The following ST6GALNAC5 variants were observed in gnomAD, a reference collection of about 807,000 sequenced individuals.
ST6GALNAC5 encodes the protein alpha-N-acetylgalactosaminide alpha-2,6-sialyltransferase 5.
ST6GALNAC5 carries 27 observed loss-of-function variants against 33.6 expected under a neutral mutation model. That is an observed-to-expected ratio of 0.80 (90% CI 0.59 to 1.11). The LOEUF (loss-of-function observed/expected upper bound fraction) is 1.11. Ranked by LOEUF, ST6GALNAC5 falls within the 50% of genes least tolerant of loss-of-function variation. The pLI, the probability that ST6GALNAC5 is intolerant of heterozygous loss-of-function variation, is 0.00. For synonymous variants in ST6GALNAC5, 194 were observed against 171.2 expected, an observed-to-expected ratio of 1.13 and a Z score of -1.04; for missense variants, 428 against 454.0, an observed-to-expected ratio of 0.94 and a Z score of 0.52.
intron 4 of ST6GALNAC5, among the ~76,000 whole-genome samples, chr1:77,056,236 A>T (rs989849873): frequency 6.6e-6 from 1 of 152,248 alleles, no homozygotes; most frequent in African/African-American, 2.4e-5. Flanking sequence ...AGCCAAATTC[A>T]TTCTCTCTAG....
rs532658846 is a variant in ST6GALNAC5, at chr1:77,049,104, T to C, written c.672-1154T>C. Among the ~76,000 whole-genome samples the C allele has an allele frequency of 1.6e-4, 25 of 152,322 alleles. No individual in the cohort carries two copies. In the South Asian group the frequency reaches 5.2e-3, roughly 32 times the overall value. ...CTAAGCCACCCATGCTGTCAGGTATTGGACAAAATGAAGGACTCCTTAAAA... is the reference window on the plus strand; with the variant it reads ...CTAAGCCACCCATGCTGTCAGGTATCGGACAAAATGAAGGACTCCTTAAAA... On this transcript the variant is annotated intron_variant, in intron 3 of 4. Transcript: ENST00000477717.
chr1:76,981,925 C>A (rs943078147), intron 2 of ST6GALNAC5, among the ~76,000 whole-genome samples: 3 of 152,250 alleles, frequency 2.0e-5, no homozygotes, highest in Admixed American at 6.5e-5. Context: ...GAGACCTGAC[C>A]GTTAGAAGGA....
At chr1:76,937,928 T>C (rs1416237201) in intron 2 of ST6GALNAC5, among the ~76,000 whole-genome samples, 1 of 151,998 alleles carries the variant, frequency 6.6e-6, no homozygotes, top group Non-Finnish European at 1.5e-5. Flanking sequence ...CTCCTATCCA[T>C]TTCACACACG....
chr1:77,030,370 A>G (rs1190377603), intron 2 of ST6GALNAC5, among the ~76,000 whole-genome samples: 3 of 152,210 alleles, frequency 2.0e-5, no homozygotes, highest in Non-Finnish European at 1.5e-5. Context: ...TTTCCTCAAT[A>G]TAAACTAAGG....
intron 4 of ST6GALNAC5, among the ~76,000 whole-genome samples, chr1:77,060,710 G>C (rs1054522639): frequency 1.3e-5 from 2 of 152,050 alleles, no homozygotes; most frequent in Non-Finnish European, 2.9e-5. Flanking sequence ...TTTCCAAAGA[G>C]ATGGTCTTCC....
At chr1:76,870,323 A>G (rs1465813916) in intron 2 of ST6GALNAC5, among the ~76,000 whole-genome samples, 1 of 152,224 alleles carries the variant, frequency 6.6e-6, no homozygotes, top group Non-Finnish European at 1.5e-5. Context: ...TACTGAGATC[A>G]TGGATTTCCA....
At chr1:77,032,782 C>T (rs1213102591) in intron 2 of ST6GALNAC5, among the ~76,000 whole-genome samples, 1 of 152,106 alleles carries the variant, frequency 6.6e-6, no homozygotes, top group African/African-American at 2.4e-5. Context: ...TTGACTGAAA[C>T]CTCAGATTTT....
Position 76,963,372 on chromosome 1 carries a change from A to G in ST6GALNAC5, c.262-80832A>G, listed in dbSNP as rs142095661. 2.2e-3 allele frequency among the ~76,000 whole-genome samples: 335 copies of G among 152,334 alleles called. 2 individuals are homozygous for G. The highest frequency in any genetic ancestry group is 7.5e-3 in the African/African-American group (314 of 41,594). On this transcript the variant is annotated intron_variant, in intron 2 of 4. Coordinates refer to ENST00000477717, the MANE Select transcript of ST6GALNAC5 (RefSeq NM_030965.3). ...GTTACAACCATTGCTATTACAGCAG[A>G]TACAGTTCTGCCTGCAAAGGCACCA... is the stretch of plus-strand genomic sequence containing the variant.
At chr1:76,981,179 G>A (rs1022659301) in intron 2 of ST6GALNAC5, among the ~76,000 whole-genome samples, 1 of 152,222 alleles carries the variant, frequency 6.6e-6, no homozygotes, top group Admixed American at 6.5e-5. Context: ...AGCTGAAGCA[G>A]AGCGGGCATC....
chr1:76,989,567 T>C (rs1649643215), intron 2 of ST6GALNAC5, among the ~76,000 whole-genome samples: 2 of 152,278 alleles, frequency 1.3e-5, no homozygotes, highest in African/African-American at 4.8e-5. Context: ...ATATAATTTT[T>C]ATTATTCATC....
chr1:76,973,590 C>T (rs1338837714), intron 2 of ST6GALNAC5, among the ~76,000 whole-genome samples: 1 of 152,124 alleles, frequency 6.6e-6, no homozygotes, highest in African/African-American at 2.4e-5. Flanking sequence ...AGGACTGTGA[C>T]CCAGTCAAAT....
chr1:76,997,873 A>G (rs997828533), intron 2 of ST6GALNAC5, among the ~76,000 whole-genome samples: 2 of 152,084 alleles, frequency 1.3e-5, no homozygotes, highest in South Asian at 2.1e-4. Context: ...TCTCACCTCA[A>G]ATTGTAATAA....
At chr1:76,888,821 C>T (rs886965482) in intron 2 of ST6GALNAC5, among the ~76,000 whole-genome samples, 3 of 151,972 alleles carry the variant, frequency 2.0e-5, no homozygotes, top group African/African-American at 7.2e-5. Flanking sequence ...TTATTGTGTA[C>T]AGCATGATGT....
intron 2 of ST6GALNAC5, among the ~76,000 whole-genome samples, chr1:77,022,003 C>T (rs562302367): frequency 1.4e-4 from 21 of 152,244 alleles, no homozygotes; most frequent in African/African-American, 5.1e-4. Context: ...GTGCTGCGCC[C>T]CCCGTTTGTC....
At chr1:77,062,477 G>A (rs2100484650) in intron 4 of ST6GALNAC5, among the ~76,000 whole-genome samples, 1 of 152,256 alleles carries the variant, frequency 6.6e-6, no homozygotes. Context: ...GGCCAGTATG[G>A]TGGGAACATA....
chr1:76,950,683 T>C (rs2100337190), intron 2 of ST6GALNAC5, among the ~76,000 whole-genome samples: 1 of 152,226 alleles, frequency 6.6e-6, no homozygotes, highest in South Asian at 2.1e-4. Flanking sequence ...ATGTATTTTT[T>C]TTTCCAGATT....
intron 2 of ST6GALNAC5, among the ~76,000 whole-genome samples, chr1:76,988,200 G>A (rs1265713020): frequency 6.6e-6 from 1 of 151,954 alleles, no homozygotes; most frequent in Non-Finnish European, 1.5e-5. Flanking sequence ...TTCTTTAAGT[G>A]TGCCCTTGAT....
chr1:76,930,929 C>G (rs1300426354), intron 2 of ST6GALNAC5, among the ~76,000 whole-genome samples: 2 of 152,170 alleles, frequency 1.3e-5, no homozygotes, highest in Non-Finnish European at 2.9e-5. Flanking sequence ...CTGGTGTTCA[C>G]ACCCTTGCGT....
At chr1:77,028,361 C>G (rs1490755085) in intron 2 of ST6GALNAC5, among the ~76,000 whole-genome samples, 2 of 152,134 alleles carry the variant, frequency 1.3e-5, no homozygotes, top group East Asian at 3.9e-4. Context: ...GAAAAATGAT[C>G]AGAGCCTCTT....
Sources: gnomAD v4.1 joint callset for allele counts (sites outside exome capture counted in the v4.1 genomes callset) on GRCh38, gnomAD v4.1.1 for gene constraint, MANE v1.5 for transcripts, NCBI Gene and HGNC (gene_info 2026-07-23, HGNC 2026-07-21) for gene names.